BMPR1B: variants seen among roughly 807,000 people sequenced by gnomAD.
BMPR1B encodes the protein bone morphogenetic protein receptor type-1B.
BMPR1B carries 12 observed loss-of-function variants against 59.1 expected under a neutral mutation model. That is an observed-to-expected ratio of 0.20 (90% CI 0.13 to 0.33). The LOEUF (loss-of-function observed/expected upper bound fraction) is 0.33, where lower values mean the gene tolerates loss of function less well. Ranked by LOEUF, BMPR1B falls within the 10% of genes least tolerant of loss-of-function variation. The pLI, the probability that BMPR1B is intolerant of heterozygous loss-of-function variation, is 1.00. For synonymous variants in BMPR1B, 237 were observed against 207.3 expected, an observed-to-expected ratio of 1.14 and a Z score of -1.23; for missense variants, 550 against 610.9, an observed-to-expected ratio of 0.90 and a Z score of 1.05.
At chr4:94,860,618 T>G (rs1313740401) in intron 1 of BMPR1B, among the ~76,000 whole-genome samples, 1 of 152,206 alleles carries the variant, frequency 6.6e-6, no homozygotes, top group Non-Finnish European at 1.5e-5. Context: ...GATTGTCTAT[T>G]TATAAATATT....
chr4:94,766,932 T>C (rs900339003), intron 1 of BMPR1B, among the ~76,000 whole-genome samples: 3 of 152,164 alleles, frequency 2.0e-5, no homozygotes, highest in Non-Finnish European at 4.4e-5. Context: ...AATAAAATGG[T>C]GTATCTAGAA....
At chr4:94,786,640 A>G (rs71601228) in intron 1 of BMPR1B, among the ~76,000 whole-genome samples, 35,421 of 151,886 alleles carry the variant, frequency 0.23, 4,650 homozygotes, top group African/African-American at 0.36. Flanking sequence ...CCGGATTCAC[A>G]CCATTCTCCT....
At chr4:95,145,070 A>T (rs1734544916) in intron 10 of BMPR1B, among the ~76,000 whole-genome samples, 1 of 152,204 alleles carries the variant, frequency 6.6e-6, no homozygotes, top group Non-Finnish European at 1.5e-5. Flanking sequence ...TAAAAATGAG[A>T]CACCCATGTA....
intron 3 of BMPR1B, among the ~76,000 whole-genome samples, chr4:95,032,617 A>G (rs1323213896): frequency 2.0e-5 from 3 of 152,184 alleles, no homozygotes; most frequent in African/African-American, 7.2e-5. Flanking sequence ...AGAAGCATAC[A>G]ATCTTTAATG....
chr4:95,072,964 C>G (rs568743881), intron 3 of BMPR1B, among the ~76,000 whole-genome samples: 25 of 151,918 alleles, frequency 1.6e-4, no homozygotes, highest in Admixed American at 9.8e-4. Flanking sequence ...CAAATTTGAC[C>G]AATATGATAT....
chr4:94,985,590 A>G (rs1295441305), intron 2 of BMPR1B, among the ~76,000 whole-genome samples: 1 of 151,172 alleles, frequency 6.6e-6, no homozygotes, highest in East Asian at 1.9e-4. Context: ...TATATGCCCT[A>G]AATTGGAAGA....
At chr4:94,839,331 C>T (rs1446858100) in intron 1 of BMPR1B, among the ~76,000 whole-genome samples, 23 of 133,288 alleles carry the variant, frequency 1.7e-4, no homozygotes, top group Admixed American at 5.9e-4. Context: ...CTTTCTGTCT[C>T]GTTGATCTGT....
chr4:94,862,838 A>G (rs11936523), intron 1 of BMPR1B, among the ~76,000 whole-genome samples: 10,450 of 151,354 alleles, frequency 0.069, 919 homozygotes, highest in African/African-American at 0.21. Context: ...CCAGCTACTC[A>G]GGAGGCTGAG....
chr4:94,937,179 G>A (rs1362223494), intron 2 of BMPR1B, among the ~76,000 whole-genome samples: 2 of 152,074 alleles, frequency 1.3e-5, no homozygotes, highest in African/African-American at 4.8e-5. Context: ...GTTTGCACTT[G>A]CTGTTCTCTG....
intron 2 of BMPR1B, among the ~76,000 whole-genome samples, chr4:94,989,924 T>C (rs553647408): frequency 1.3e-5 from 2 of 152,242 alleles, no homozygotes; most frequent in Non-Finnish European, 2.9e-5. Flanking sequence ...TGCTCAACAT[T>C]ATTTATCACT....
intron 3 of BMPR1B, among the ~76,000 whole-genome samples, chr4:95,057,030 C>T (rs901866830): frequency 6.6e-6 from 1 of 152,122 alleles, no homozygotes; most frequent in South Asian, 2.1e-4. Context: ...TATCATTATA[C>T]ATGTCACTCT....
At chr4:95,029,191 C>T (rs1724639720) in intron 3 of BMPR1B, among the ~76,000 whole-genome samples, 1 of 151,546 alleles carries the variant, frequency 6.6e-6, no homozygotes, top group Non-Finnish European at 1.5e-5. Context: ...TGGTGTGCTG[C>T]ACCCATTAAC....
intron 1 of BMPR1B, among the ~76,000 whole-genome samples, chr4:94,834,435 A>G (rs750742308): frequency 5.3e-5 from 8 of 151,808 alleles, no homozygotes; most frequent in Non-Finnish European, 1.0e-4. Flanking sequence ...CTCCTCCTCC[A>G]GCTTTGCATA....
intron 2 of BMPR1B, among the ~76,000 whole-genome samples, chr4:94,965,662 A>G (rs1213750163): frequency 6.6e-6 from 1 of 152,184 alleles, no homozygotes; most frequent in Non-Finnish European, 1.5e-5. Flanking sequence ...AAGGTTTTCA[A>G]ATTTGAGGCC....
In BMPR1B at chr4:94,852,865, A is replaced by G. The variant is rs146322753; in HGVS notation, c.-182-22966A>G. On this transcript the variant is annotated intron_variant, in intron 1 of 12. Coordinates refer to ENST00000515059, the MANE Select transcript of BMPR1B (RefSeq NM_001203.3). ...TGTTCTTAGGAACTCATCTGGAAAGAACATTTCTTTGGGGGATATGGAGAC... is the reference window on the plus strand; with the variant it reads ...TGTTCTTAGGAACTCATCTGGAAAGGACATTTCTTTGGGGGATATGGAGAC... Among the ~76,000 whole-genome samples the G allele has an allele frequency of 3.0e-3, 461 of 152,346 alleles. 3 individuals are homozygous for G. Among genetic ancestry groups the G allele is most frequent in the African/African-American group, 0.01 (428 of 41,588 alleles).
chr4:94,785,234 G>A (rs1722721254), intron 1 of BMPR1B, among the ~76,000 whole-genome samples: 1 of 151,988 alleles, frequency 6.6e-6, no homozygotes, highest in Non-Finnish European at 1.5e-5. Context: ...CCTTCCCTGT[G>A]CTCACCAAAG....
intron 3 of BMPR1B, among the ~76,000 whole-genome samples, chr4:95,044,017 T>C (rs1725858807): frequency 6.6e-6 from 1 of 152,350 alleles, no homozygotes; most frequent in East Asian, 1.9e-4. Context: ...TTGAGTATGA[T>C]TGTTATAAAA....
chr4:95,111,244 A>C (rs1731614560), intron 4 of BMPR1B, among the ~76,000 whole-genome samples: 1 of 152,108 alleles, frequency 6.6e-6, no homozygotes, highest in Non-Finnish European at 1.5e-5. Flanking sequence ...TAATACTTTA[A>C]ATAATTGTTT....
intron 3 of BMPR1B, among the ~76,000 whole-genome samples, chr4:95,047,934 C>T (rs1578988675): frequency 6.6e-6 from 1 of 152,132 alleles, no homozygotes; most frequent in East Asian, 1.9e-4. Flanking sequence ...TTTTTCAACC[C>T]TTGGGAGCCT....
Sources: gnomAD v4.1 joint callset for allele counts (sites outside exome capture counted in the v4.1 genomes callset) on GRCh38, gnomAD v4.1.1 for gene constraint, MANE v1.5 for transcripts, NCBI Gene and HGNC (gene_info 2026-07-23, HGNC 2026-07-21) for gene names.